Variants in UNC5D observed in about 807,000 individuals in gnomAD.
UNC5D encodes the protein unc-5 netrin receptor D.
A neutral mutation model predicts 105.4 loss-of-function variants in UNC5D; 39 were observed. The ratio of observed to expected loss-of-function variants is 0.37; its 90% confidence interval spans 0.29 to 0.48. The LOEUF (loss-of-function observed/expected upper bound fraction) is 0.48, where lower values mean the gene tolerates loss of function less well. Among genes scored for constraint, UNC5D ranks in the 20% least tolerant of loss-of-function variants. The pLI is 0.98. For synonymous variants in UNC5D, 452 were observed against 450.4 expected (o/e 1.00, Z -0.04); for missense variants, 991 against 1,202.4 (o/e 0.82, Z 2.60).
intron 1 of UNC5D, among the ~76,000 whole-genome samples, chr8:35,327,986 A>G (rs1810303982): frequency 6.6e-6 from 1 of 152,184 alleles, no homozygotes; most frequent in East Asian, 1.9e-4. Flanking sequence ...TGTGATTGGG[A>G]AAGTTGTGGT....
rs1392858343 is a variant in UNC5D at position 35,550,582 on chromosome 8, C to T, written c.322+1072C>T. 2.6e-5 allele frequency among the ~76,000 whole-genome samples: 4 copies of T among 152,120 alleles called. No individual in the cohort carries two copies. The South Asian group carries it at 8.3e-4, about 32-fold the overall frequency. On this transcript the variant is annotated intron_variant, in intron 2 of 16. Transcript: ENST00000404895. ...ATTCTATATAACAAGGTAGGCCTTT[C>T]AGAGTATTCAGAGATAGGTAAGAAA...
chr8:35,728,291 T>C (rs1829000232), intron 10 of UNC5D, among the ~76,000 whole-genome samples: 1 of 151,948 alleles, frequency 6.6e-6, no homozygotes, highest in Admixed American at 6.6e-5. Flanking sequence ...TGTGTGTGTG[T>C]GCACATCTGT....
chr8:35,610,758 C>T (rs1416679046), intron 4 of UNC5D, among the ~76,000 whole-genome samples: 1 of 152,176 alleles, frequency 6.6e-6, no homozygotes, highest in African/African-American at 2.4e-5. Flanking sequence ...CCCAAATTTA[C>T]TCTGACAAAT....
chr8:35,323,690 G>C (rs567378868), intron 1 of UNC5D, among the ~76,000 whole-genome samples: 3 of 152,146 alleles, frequency 2.0e-5, no homozygotes, highest in Non-Finnish European at 4.4e-5. Flanking sequence ...CACTCTTCTT[G>C]TCTCCATTTT....
At chr8:35,762,575 G>A (rs1217396290) in intron 14 of UNC5D, among the ~76,000 whole-genome samples, 1 of 152,116 alleles carries the variant, frequency 6.6e-6, no homozygotes, top group African/African-American at 2.4e-5. Context: ...TTAGGAATAT[G>A]TGATTTTCGC....
intron 7 of UNC5D, 94 bp downstream of exon 7, chr8:35,686,803 A>G (rs1442684111): frequency 6.8e-7 from 1 of 1,462,710 alleles, no homozygotes; most frequent in Non-Finnish European, 9.1e-7. Flanking sequence ...TGGTTAAATA[A>G]GTTAGCAGAA....
chr8:35,663,761 G>C (rs959672024), intron 4 of UNC5D, among the ~76,000 whole-genome samples: 10 of 152,130 alleles, frequency 6.6e-5, no homozygotes, highest in African/African-American at 2.4e-4. Context: ...ATCTATGTTA[G>C]GTCCTGTGCA....
At chr8:35,690,055 T>C (rs772207863) in intron 7 of UNC5D, among the ~76,000 whole-genome samples, 1 of 152,250 alleles carries the variant, frequency 6.6e-6, no homozygotes, top group Non-Finnish European at 1.5e-5. Flanking sequence ...ATAAGCCTTT[T>C]CTTTCTATTC....
chr8:35,541,535 T>C (rs1815275670), intron 1 of UNC5D, among the ~76,000 whole-genome samples: 1 of 152,206 alleles, frequency 6.6e-6, no homozygotes, highest in African/African-American at 2.4e-5. Flanking sequence ...TCTCTGCACA[T>C]GGCATGCCCG....
chr8:35,270,882 C>A (rs1484826654), intron 1 of UNC5D, among the ~76,000 whole-genome samples: 1 of 150,884 alleles, frequency 6.6e-6, no homozygotes, highest in African/African-American at 2.4e-5. Context: ...AAAAAAATCA[C>A]TATTTATTTC....
Position 35,600,769 on chromosome 8 carries a change from G to A in UNC5D, c.570+5112G>A, listed in dbSNP as rs541481560. 6.2e-3 allele frequency among the ~76,000 whole-genome samples: 940 copies of A among 152,148 alleles called. 3 individuals carry two copies. Among genetic ancestry groups the A allele is most frequent in the Middle Eastern group, 0.017 (5 of 294 alleles). On this transcript the variant is annotated intron_variant, in intron 4 of 16. Coordinates refer to ENST00000404895, the MANE Select transcript of UNC5D (RefSeq NM_080872.4). ...TAGGTTGCCTGTTCACTCTGATGGTGGTTTCTTTTGCTGTGCAGAAGCTCT... is the reference window on the plus strand; with the variant it reads ...TAGGTTGCCTGTTCACTCTGATGGTAGTTTCTTTTGCTGTGCAGAAGCTCT...
chr8:35,517,265 A>G (rs922360673), intron 1 of UNC5D, among the ~76,000 whole-genome samples: 2 of 152,176 alleles, frequency 1.3e-5, no homozygotes, highest in Non-Finnish European at 2.9e-5. Context: ...CTGTCATTCA[A>G]TCGTGTTCAA....
At chr8:35,601,654 C>G (rs1037839630) in intron 4 of UNC5D, among the ~76,000 whole-genome samples, 1 of 152,142 alleles carries the variant, frequency 6.6e-6, no homozygotes, top group Admixed American at 6.5e-5. Context: ...GATTTTGTAT[C>G]CTGAGACTTT....
rs200029426 is a variant in UNC5D, at chr8:35,461,096, A to C, written c.104-88196A>C. 3.9e-5 allele frequency among the ~76,000 whole-genome samples: 6 copies of C among 152,332 alleles called. No homozygotes were observed. In the East Asian group the frequency reaches 1.2e-3, roughly 29 times the overall value. ...AGTATAAAATCTGGTGGCTCTGTGG[A>C]CATAAACTCCTAAAGGAAGGCTCCA... On this transcript the variant is annotated intron_variant, in intron 1 of 16. Coordinates refer to ENST00000404895, the MANE Select transcript of UNC5D (RefSeq NM_080872.4).
chr8:35,698,890 ATATATACAG>A (rs1253191966), intron 7 of UNC5D, among the ~76,000 whole-genome samples: 3 of 152,082 alleles, frequency 2.0e-5, no homozygotes, highest in African/African-American at 4.8e-5. Flanking sequence ...TCCATTTTGA[ATATATACAG>A]TATATATTTC....
rs1459146390 is a variant in UNC5D, at chr8:35,791,230, T to A, written c.*667T>A. On this transcript the variant is annotated 3_prime_UTR_variant, in exon 17 of 17. Coordinates refer to ENST00000404895, the MANE Select transcript of UNC5D (RefSeq NM_080872.4). The stretch of plus-strand genomic sequence containing the variant: ...CCTTTTACTTTTTTCCTGAGACAAA[T>A]CTACCCTTATTCTTTCTTCCTCTTC... 1 of 153,690 alleles carries A rather than the reference T, an allele frequency of 6.5e-6. No individual in the cohort carries two copies. Among genetic ancestry groups the A allele is most frequent in the Non-Finnish European group, 1.5e-5 (1 of 68,812 alleles). 9.5% of individuals were successfully genotyped at this position (153,690 alleles called of 1,614,324 possible). A position where few individuals can be genotyped will look rare whatever the true frequency, so the allele number is the denominator to read the frequency against.
At chr8:35,351,463 T>C (rs1812231924) in intron 1 of UNC5D, among the ~76,000 whole-genome samples, 2 of 152,106 alleles carry the variant, frequency 1.3e-5, no homozygotes, top group South Asian at 2.1e-4. Flanking sequence ...TTTAAATAAT[T>C]TGAAGTCTCA....
intron 1 of UNC5D, among the ~76,000 whole-genome samples, chr8:35,399,121 G>A (rs1804287413): frequency 6.8e-6 from 1 of 147,948 alleles, no homozygotes; most frequent in Admixed American, 6.7e-5. Context: ...CTCCAGCCTG[G>A]GTGACCTAGT....
intron 2 of UNC5D, among the ~76,000 whole-genome samples, chr8:35,563,912 G>T (rs1387245584): frequency 6.6e-6 from 1 of 151,996 alleles, no homozygotes; most frequent in Non-Finnish European, 1.5e-5. Context: ...GATGTGTCAT[G>T]TTTATTGATT....
Sources: allele counts gnomAD v4.1 joint callset (sites outside exome capture counted in the v4.1 genomes callset), GRCh38; gene constraint gnomAD v4.1.1; transcripts MANE v1.5; gene names NCBI Gene and HGNC (gene_info 2026-07-23, HGNC 2026-07-21).